The following GLB1 variants were observed in gnomAD, a reference collection of about 807,000 sequenced individuals.
GLB1 encodes galactosidase beta 1.
In GLB1, 56 loss-of-function variants were observed where a neutral mutation model predicts 74.0. That is an observed-to-expected ratio of 0.76 (90% CI 0.61 to 0.94). The LOEUF (loss-of-function observed/expected upper bound fraction) is 0.94, where lower values mean the gene tolerates loss of function less well. GLB1 is among the 40% of genes least tolerant of loss of function. GLB1 has a pLI of 0.00. For synonymous variants in GLB1, 323 were observed against 323.6 expected, an observed-to-expected ratio of 1.00 and a Z score of 0.02; for missense variants, 787 against 845.5, an observed-to-expected ratio of 0.93 and a Z score of 0.86.
At chr3:32,961,581 G>A in the GLB1 span, among the ~76,000 whole-genome samples, 2 of 152,230 alleles carry the variant, frequency 1.3e-5, no homozygotes, top group African/African-American at 4.8e-5. Flanking sequence ...ATCGGGTTGT[G>A]AAGACAGCTA....
intron 1 of GLB1, among the ~76,000 whole-genome samples, chr3:33,079,077 C>T (rs1362185861): frequency 6.6e-6 from 1 of 152,142 alleles, no homozygotes; most frequent in East Asian, 1.9e-4. Flanking sequence ...AGAAGCCTTA[C>T]ACAATTGGGT....
intron 1 of GLB1, among the ~76,000 whole-genome samples, chr3:33,089,406 T>C (rs932478466): frequency 1.3e-5 from 2 of 152,074 alleles, no homozygotes; most frequent in Non-Finnish European, 2.9e-5. Context: ...TATAAAGAAC[T>C]CCTACATCTC....
the GLB1 span, among the ~76,000 whole-genome samples, chr3:32,975,175 A>T: frequency 6.6e-6 from 1 of 152,140 alleles, no homozygotes; most frequent in Non-Finnish European, 1.5e-5. Context: ...TCAACCTCCC[A>T]AGCTCAAGTG....
chr3:33,012,119 C>T (rs1344763665), intron 15 of GLB1, among the ~76,000 whole-genome samples: 3 of 152,222 alleles, frequency 2.0e-5, no homozygotes, highest in African/African-American at 7.2e-5. Flanking sequence ...TCTGCATCCT[C>T]TCTCCTTGAG....
chr3:32,979,474 T>C, the GLB1 span, among the ~76,000 whole-genome samples: 1 of 147,508 alleles, frequency 6.8e-6, no homozygotes, highest in African/African-American at 2.5e-5. Context: ...ATGTATTACA[T>C]GTATTTCTTT....
At chr3:33,027,231 TG>T (rs1697805318) in intron 10 of GLB1, among the ~76,000 whole-genome samples, 1 of 152,232 alleles carries the variant, frequency 6.6e-6, no homozygotes, top group South Asian at 2.1e-4. Context: ...GCTGCAGCCT[TG>T]CAGAGGGCTG....
intron 10 of GLB1, among the ~76,000 whole-genome samples, chr3:33,042,206 A>G (rs566933396): frequency 2.0e-5 from 3 of 152,176 alleles, no homozygotes; most frequent in Non-Finnish European, 4.4e-5. Context: ...TCTAATCTCA[A>G]CACAGCAGCT....
chr3:33,043,483 G>T (rs927170711), intron 10 of GLB1, among the ~76,000 whole-genome samples: 7 of 151,590 alleles, frequency 4.6e-5, no homozygotes, highest in African/African-American at 7.3e-5. Context: ...GAAGAGGGGG[G>T]AAAGAAATAA....
At chr3:32,983,088 T>G in the GLB1 span, among the ~76,000 whole-genome samples, 10 of 152,172 alleles carry the variant, frequency 6.6e-5, no homozygotes, top group Non-Finnish European at 1.0e-4. Flanking sequence ...GGTGTGAACT[T>G]CAGTTTAAAT....
At chr3:32,981,760 G>A in the GLB1 span, among the ~76,000 whole-genome samples, 2 of 150,358 alleles carry the variant, frequency 1.3e-5, no homozygotes, top group African/African-American at 4.9e-5. Flanking sequence ...GAGACAGAGC[G>A]AGACTCCATC....
Position 33,018,130 on chromosome 3 carries a change from C to A in GLB1, c.1347+318G>T, listed in dbSNP as rs572696795. Among the ~76,000 whole-genome samples, 21 of 151,550 alleles carry A rather than the reference C, an allele frequency of 1.4e-4. No individual in the cohort carries two copies. The Middle Eastern group carries it at 0.01, about 74-fold the overall frequency. On this transcript the variant is annotated intron_variant, in intron 13 of 15. Transcript: ENST00000307363. ...GGGACCCTGTCTCTACAAAAAAAAT[C>A]AAAACATTAGCCAGGCATGGTGGTG...
the GLB1 span, among the ~76,000 whole-genome samples, chr3:32,980,936 C>G: frequency 1.3e-4 from 20 of 151,492 alleles, no homozygotes; most frequent in African/African-American, 4.4e-4. Flanking sequence ...ACTAAAAATA[C>G]AAAAATTAGC....
In GLB1 at chr3:33,013,645, TG is replaced by T. The variant is rs1697116558; in HGVS notation, c.1734+410del. 2.6e-5 allele frequency among the ~76,000 whole-genome samples: 4 copies of T among 152,156 alleles called. No homozygotes were observed. In the South Asian group the frequency reaches 6.2e-4, roughly 24 times the overall value. ...GCTTATGATAGAAGCCCCAGGGGTG[TG>T]GGGCTGGATGCAGGTGGGGATATTC... is the stretch of plus-strand genomic sequence containing the variant. On this transcript the variant is annotated intron_variant, in intron 15 of 15. Transcript: ENST00000307363.
Position 33,051,927 on chromosome 3 carries a change from A to G in GLB1, c.870T>C (p.Ala290=). 1 of 1,614,220 alleles carries G rather than the reference A, an allele frequency of 6.2e-7. No individual in the cohort carries two copies. Among genetic ancestry groups the G allele is most frequent in the Non-Finnish European group, 8.5e-7 (1 of 1,180,036 alleles). Residue 290 remains alanine (A), a synonymous_variant, in exon 8 of 16, where the codon GCT becomes GCC. Coordinates refer to ENST00000307363, the MANE Select transcript of GLB1 (RefSeq NM_000404.4). ...PHSTIKTEAV[A]SSLYDILARG... Reference sequence around the variant, plus strand: ...GGGCAAGTATATCATAGAGGGAGGAAGCCACTGCTTCGGTCTTGATTGTGG... The same window carrying G: ...GGGCAAGTATATCATAGAGGGAGGAGGCCACTGCTTCGGTCTTGATTGTGG...
intron 6 of GLB1, 26 bp from the exon 7 acceptor site, chr3:33,053,575 A>G: frequency 1.9e-6 from 3 of 1,614,132 alleles, no homozygotes; most frequent in Non-Finnish European, 2.5e-6. Flanking sequence ...GGGAGAAGGT[A>G]GGTCAGTCGT....
chr3:33,068,250 A>G lies in GLB1; in HGVS notation c.437T>C (p.Leu146Pro). Residue 146 changes from leucine (L) to proline (P), a missense_variant, in exon 4 of 16, where the codon CTT becomes CCT. Leu to Pro is a moderately conservative substitution (Grantham distance 98). Transcript: ENST00000307363. ...CCTACCTGGGTCGGAGGAGCGGAGA[A>G]GAATAGACTCTTTCTCTAGCAGCCA... ...PAWLLEKESILLRSSDPDYLA... is the reference protein window; with the variant it reads ...PAWLLEKESIPLRSSDPDYLA... 1.2e-6 allele frequency: 2 copies of G among 1,614,072 alleles called. No individual in the cohort carries two copies. Among genetic ancestry groups the G allele is most frequent in the Non-Finnish European group, 1.7e-6 (2 of 1,179,958 alleles).
intron 10 of GLB1, among the ~76,000 whole-genome samples, chr3:33,031,671 AT>A (rs1234035654): frequency 1.6e-5 from 2 of 128,850 alleles, no homozygotes; most frequent in Non-Finnish European, 3.2e-5. Context: ...ATATATATAT[AT>A]ATAATCTCCA....
intron 12 of GLB1, among the ~76,000 whole-genome samples, chr3:33,021,012 A>G (rs1697447729): frequency 6.6e-6 from 1 of 152,102 alleles, no homozygotes; most frequent in Admixed American, 6.5e-5. Context: ...AAAATTTTCC[A>G]AAACAAAATG....
chr3:33,092,798 C>A, intron 1 of GLB1: 1 of 1,548,584 alleles, frequency 6.5e-7, no homozygotes, highest in South Asian at 1.2e-5. Flanking sequence ...GGGTCGAGGA[C>A]AAGGGCAGGG....
Sources: gnomAD v4.1 joint callset for allele counts (sites outside exome capture counted in the v4.1 genomes callset) on GRCh38, gnomAD v4.1.1 for gene constraint, MANE v1.5 for transcripts, NCBI Gene and HGNC (gene_info 2026-07-23, HGNC 2026-07-21) for gene names.